EPHA7: variants seen among roughly 807,000 people sequenced by gnomAD.
EPHA7 encodes the protein EPH receptor A7.
EPHA7 carries 25 observed loss-of-function variants against 112.6 expected under a neutral mutation model. The ratio of observed to expected loss-of-function variants is 0.22; its 90% CI spans 0.16 to 0.31. The LOEUF (loss-of-function observed/expected upper bound fraction) is 0.31, where lower values mean the gene tolerates loss of function less well. EPHA7 is among the 10% of genes least tolerant of loss of function. The probability of loss-of-function intolerance (pLI) is 1.00; values close to 1 mark genes in which losing one functional copy is unlikely to be tolerated. For synonymous variants in EPHA7, 437 were observed against 406.5 expected (o/e 1.07, Z -0.90); for missense variants, 962 against 1,212.6 (o/e 0.79, Z 3.07).
chr6:93,395,612 C>T (rs967517055), intron 3 of EPHA7, among the ~76,000 whole-genome samples: 2 of 148,392 alleles, frequency 1.3e-5, no homozygotes, highest in Non-Finnish European at 3.0e-5. Flanking sequence ...CACACACACA[C>T]ATCTGTCCGT....
chr6:93,335,199 G>A (rs1284590043), intron 5 of EPHA7, among the ~76,000 whole-genome samples: 7 of 152,036 alleles, frequency 4.6e-5, no homozygotes, highest in African/African-American at 9.7e-5. Flanking sequence ...TGTATTTTAC[G>A]TCAATCTAGT....
intron 5 of EPHA7, among the ~76,000 whole-genome samples, chr6:93,284,609 A>G (rs1347063228): frequency 6.6e-6 from 1 of 152,188 alleles, no homozygotes; most frequent in Admixed American, 6.5e-5. Context: ...ATCAACATCA[A>G]TGACAGACTG....
chr6:93,322,386 T>C (rs1392964052), intron 5 of EPHA7, among the ~76,000 whole-genome samples: 1 of 151,732 alleles, frequency 6.6e-6, no homozygotes, highest in Non-Finnish European at 1.5e-5. Flanking sequence ...GCTTAAAATC[T>C]ACTGCAAGCA....
intron 15 of EPHA7, 40 bp downstream of exon 15, chr6:93,246,752 G>T (rs778038608): frequency 6.5e-7 from 1 of 1,529,842 alleles, no homozygotes; most frequent in South Asian, 1.2e-5. Flanking sequence ...TGTTACTATT[G>T]TAATTTCTCC....
At position 93,258,021 on chromosome 6, in the gene EPHA7, T is replaced by C. The variant is rs1770515043; in HGVS notation, c.2110+78A>G. On this transcript the variant is annotated intron_variant, in intron 11 of 16. Transcript: ENST00000369303. ...AGACTGTGCAACATATTTCATAATT[T>C]GTTTTATTGTGTACATAATAATACT... 3.1e-6 allele frequency: 4 copies of C among 1,292,190 alleles called. No homozygotes were observed. The Admixed American group carries it at 6.2e-5, about 20-fold the overall frequency. The allele number at this position is 1,292,190 out of a possible 1,614,324, so 80.0% of individuals were successfully genotyped here.
At chr6:93,353,909 A>G (rs1160176214) in intron 5 of EPHA7, among the ~76,000 whole-genome samples, 1 of 152,088 alleles carries the variant, frequency 6.6e-6, no homozygotes, top group African/African-American at 2.4e-5. Flanking sequence ...CTTGTGCTCC[A>G]AACTCAAAAC....
At chr6:93,257,359 C>G in intron 12 of EPHA7, 103 bp downstream of exon 12, 1 of 768,750 alleles carries the variant, frequency 1.3e-6, no homozygotes, top group Non-Finnish European at 2.1e-6. Flanking sequence ...TAACCTCTTA[C>G]TATTTTACAA....
chr6:93,264,501 A>G (rs1173774368), intron 8 of EPHA7, 93 bp downstream of exon 8: 2 of 676,648 alleles, frequency 3.0e-6, no homozygotes, highest in African/African-American at 1.9e-5. Flanking sequence ...TGCATTTACT[A>G]TTTAAAATTT....
At chr6:93,418,750 G>T (rs1418778308) in intron 1 of EPHA7, among the ~76,000 whole-genome samples, 1 of 152,182 alleles carries the variant, frequency 6.6e-6, no homozygotes, top group African/African-American at 2.4e-5. Flanking sequence ...GCTCATCGAA[G>T]TCTCGGTCCC....
At chr6:93,375,437 G>A (rs747989893) in intron 3 of EPHA7, among the ~76,000 whole-genome samples, 5 of 151,780 alleles carry the variant, frequency 3.3e-5, no homozygotes, top group Non-Finnish European at 7.4e-5. Context: ...GAAACATGGT[G>A]AAACTCTCTT....
At chr6:93,413,766 A>G (rs1439103824) in intron 2 of EPHA7, among the ~76,000 whole-genome samples, 3 of 151,874 alleles carry the variant, frequency 2.0e-5, no homozygotes, top group Non-Finnish European at 3.0e-5. Flanking sequence ...TACATTCTTA[A>G]ACTTTCAGTT....
intron 3 of EPHA7, among the ~76,000 whole-genome samples, chr6:93,368,730 C>T (rs972907806): frequency 1.3e-5 from 2 of 152,144 alleles, no homozygotes; most frequent in Admixed American, 6.6e-5. Flanking sequence ...CAGTCCAAGA[C>T]ATGGGCTTTT....
chr6:93,322,089 C>G (rs1221396688), intron 5 of EPHA7, among the ~76,000 whole-genome samples: 1 of 151,746 alleles, frequency 6.6e-6, no homozygotes, highest in Non-Finnish European at 1.5e-5. Flanking sequence ...ATGTCATAAG[C>G]TAAGCACACA....
chr6:93,402,669 G>A (rs1164581632), intron 3 of EPHA7, among the ~76,000 whole-genome samples: 1 of 152,004 alleles, frequency 6.6e-6, no homozygotes, highest in East Asian at 1.9e-4. Flanking sequence ...CCCACTTACA[G>A]AGACAATAGG....
At chr6:93,378,260 AG>A (rs1471337161) in intron 3 of EPHA7, among the ~76,000 whole-genome samples, 1 of 152,068 alleles carries the variant, frequency 6.6e-6, no homozygotes, top group Admixed American at 6.6e-5. Flanking sequence ...AAAGAGAGAC[AG>A]GAAAAGGAGG....
At chr6:93,294,256 C>T (rs954934245) in intron 5 of EPHA7, among the ~76,000 whole-genome samples, 8 of 152,112 alleles carry the variant, frequency 5.3e-5, no homozygotes, top group East Asian at 1.9e-4. Flanking sequence ...GTTTTAACTA[C>T]GGACTCTGAA....
chr6:93,356,981 G>C lies in EPHA7; in HGVS notation c.1060C>G (p.Pro354Ala). The change falls in exon 5 of 17, where the codon CCT becomes GCT. Residue 354 changes from proline to alanine, a missense_variant. Physicochemically the swap from Pro to Ala is conservative, Grantham distance 27. This residue lies in a region of EPHA7 where 746 missense variants were observed against 889.2 expected (regional missense o/e 0.84). Coordinates refer to ENST00000369303, the MANE Select transcript of EPHA7 (RefSeq NM_004440.4). Reference protein sequence around the residue: ...QTTVSLEWSPPADNGGRNDVT... With the variant: ...QTTVSLEWSPAADNGGRNDVT... ...TCGTTTCTTCCCCCATTGTCTGCAGGAGGACTCCATTCCAAACTTACTGTG... is the reference window on the plus strand; with the variant it reads ...TCGTTTCTTCCCCCATTGTCTGCAGCAGGACTCCATTCCAAACTTACTGTG... 1.2e-6 allele frequency: 2 copies of C among 1,614,042 alleles called. No homozygotes were observed. Among genetic ancestry groups the C allele is most frequent in the Non-Finnish European group, 1.7e-6 (2 of 1,179,994 alleles).
At position 93,414,599 on chromosome 6, in the gene EPHA7, TA is replaced by T. The variant is rs531688684; in HGVS notation, c.162+103del. 1,872 of 838,428 alleles carry T rather than the reference TA, an allele frequency of 2.2e-3. 30 individuals carry two copies. Among genetic ancestry groups the T allele is most frequent in the Non-Finnish European group, 3.2e-4 (163 of 513,238 alleles). 51.9% of individuals were successfully genotyped at this position (838,428 alleles called of 1,614,324 possible). On this transcript the variant is annotated intron_variant, in intron 2 of 16. Coordinates refer to ENST00000369303, the MANE Select transcript of EPHA7 (RefSeq NM_004440.4). The stretch of plus-strand genomic sequence containing the variant: ...TAATATTGGACAAGATATTTGGAAT[TA>T]AACAGTTTATACATGAAGAGTGTGA...
At chr6:93,387,924 CAGATAGATAGATAGATAGAT>C (rs200554873) in intron 3 of EPHA7, among the ~76,000 whole-genome samples, 28 of 145,566 alleles carry the variant, frequency 1.9e-4, no homozygotes, top group African/African-American at 4.7e-4. Context: ...GATAGATAGA[CAGATAGATAGATAGATAGAT>C]AGATAGATAG....
Sources: gnomAD v4.1 joint callset for allele counts (sites outside exome capture counted in the v4.1 genomes callset) on GRCh38, gnomAD v4.1.1 for gene constraint, gnomAD v4.1.1 regional missense constraint, MANE v1.5 for transcripts, NCBI Gene and HGNC (gene_info 2026-07-23, HGNC 2026-07-21) for gene names.